SAMD5: variants seen among roughly 807,000 people sequenced by gnomAD.
The protein encoded by SAMD5 is sterile alpha motif domain containing 5.
A neutral mutation model predicts 11.3 loss-of-function variants in SAMD5; 13 were observed. That is an observed-to-expected ratio of 1.15 (90% CI 0.75 to 1.83). The LOEUF (loss-of-function observed/expected upper bound fraction) is 1.83. SAMD5 is among the 40% of genes most tolerant of loss of function. SAMD5 has a pLI of 0.00. For synonymous variants in SAMD5, 129 were observed against 111.3 expected (o/e 1.16, Z -1.00); for missense variants, 255 against 239.1 (o/e 1.07, Z -0.44).
chr6:147,739,828 T>C (rs1230308629), downstream of SAMD5, among the ~76,000 whole-genome samples: 1 of 152,154 alleles, frequency 6.6e-6, no homozygotes, highest in African/African-American at 2.4e-5. Flanking sequence ...TTATTTTATT[T>C]TATTTTTCCT....
chr6:147,522,357 A>G (rs1432867192), intron 1 of SAMD5, among the ~76,000 whole-genome samples: 3 of 152,148 alleles, frequency 2.0e-5, no homozygotes, highest in African/African-American at 7.2e-5. Context: ...AAGGAAAAGC[A>G]TTAAGGAAAA....
intron 1 of SAMD5, among the ~76,000 whole-genome samples, chr6:147,587,752 C>T (rs1270234682): frequency 1.3e-5 from 2 of 152,064 alleles, no homozygotes; most frequent in South Asian, 2.1e-4. Flanking sequence ...TAGGACTTTT[C>T]GTCTTCTGGG....
intron 1 of SAMD5, among the ~76,000 whole-genome samples, chr6:147,583,843 A>G (rs1364859021): frequency 6.6e-6 from 1 of 151,730 alleles, no homozygotes; most frequent in African/African-American, 2.4e-5. Context: ...ACACACACAC[A>G]AAATGGCTAT....
chr6:147,839,789 A>G, the SAMD5 span, among the ~76,000 whole-genome samples: 3 of 152,200 alleles, frequency 2.0e-5, no homozygotes, highest in African/African-American at 7.2e-5. Context: ...TAGTATTCTC[A>G]TGGATTACAA....
chr6:147,867,257 T>C, the SAMD5 span, among the ~76,000 whole-genome samples: 1 of 150,856 alleles, frequency 6.6e-6, no homozygotes, highest in Non-Finnish European at 1.5e-5. Flanking sequence ...TTAACCATAC[T>C]GTAGCATACT....
chr6:147,937,791 T>C, the SAMD5 span, among the ~76,000 whole-genome samples: 1 of 152,218 alleles, frequency 6.6e-6, no homozygotes, highest in Admixed American at 6.5e-5. Context: ...TTAAGAAAAT[T>C]TGATAATGTC....
the SAMD5 span, among the ~76,000 whole-genome samples, chr6:147,816,280 C>CAAA: frequency 2.4e-4 from 3 of 12,730 alleles, 1 homozygote; most frequent in Admixed American, 3.3e-3. Flanking sequence ...AACTCCGTCT[C>CAAA]CAAAAAAAAA....
At chr6:147,765,074 T>C in the SAMD5 span, among the ~76,000 whole-genome samples, 1 of 152,206 alleles carries the variant, frequency 6.6e-6, no homozygotes, top group Admixed American at 6.5e-5. Flanking sequence ...CAACGTATAT[T>C]TTGCCTGCAT....
At chr6:147,806,312 G>A in the SAMD5 span, among the ~76,000 whole-genome samples, 38 of 125,574 alleles carry the variant, frequency 3.0e-4, no homozygotes, top group South Asian at 2.5e-4. Flanking sequence ...ATGCGCGCGC[G>A]CGCGCGCACA....
the SAMD5 span, among the ~76,000 whole-genome samples, chr6:147,784,684 A>G: frequency 6.6e-6 from 1 of 152,252 alleles, no homozygotes; most frequent in Non-Finnish European, 1.5e-5. Context: ...ACTAGCCACA[A>G]GCCAAGTCCT....
chr6:147,757,253 CAATT>C, the SAMD5 span, among the ~76,000 whole-genome samples: 1 of 152,256 alleles, frequency 6.6e-6, no homozygotes, highest in African/African-American at 2.4e-5. Flanking sequence ...TAAATGTAAT[CAATT>C]ATAGTTATAT....
chr6:147,766,029 G>A, the SAMD5 span, among the ~76,000 whole-genome samples: 1 of 150,342 alleles, frequency 6.7e-6, no homozygotes, highest in Non-Finnish European at 1.5e-5. Context: ...ATATGCCCAT[G>A]AAAACAGGAA....
the SAMD5 span, among the ~76,000 whole-genome samples, chr6:147,899,189 A>AAAAAGAAAAG: frequency 4.2e-4 from 52 of 123,454 alleles, 1 homozygote; most frequent in African/African-American, 1.7e-3. Context: ...AAAAAAAAAA[A>AAAAAGAAAAG]AAAAGATAAC....
the SAMD5 span, among the ~76,000 whole-genome samples, chr6:147,950,763 G>A: frequency 7.2e-5 from 11 of 152,078 alleles, no homozygotes; most frequent in South Asian, 1.7e-3. Flanking sequence ...GTCTGTTCCC[G>A]AAAACCCAAA....
the SAMD5 span, among the ~76,000 whole-genome samples, chr6:147,939,022 A>G: frequency 6.6e-6 from 1 of 152,294 alleles, no homozygotes; most frequent in Middle Eastern, 3.4e-3. Context: ...TTATATGCAA[A>G]GTCTGGGGTT....
chr6:147,852,086 G>A, the SAMD5 span, among the ~76,000 whole-genome samples: 172 of 152,048 alleles, frequency 1.1e-3, no homozygotes, highest in African/African-American at 3.9e-3. Context: ...TATACGTACT[G>A]TATTTTTATA....
intron 1 of SAMD5, among the ~76,000 whole-genome samples, chr6:147,633,278 G>A (rs1790178215): frequency 6.6e-6 from 1 of 152,106 alleles, no homozygotes; most frequent in Admixed American, 6.5e-5. Context: ...AGAATTACAA[G>A]CCACGTGCTT....
At chr6:147,560,616 G>A (rs954041512) in intron 1 of SAMD5, among the ~76,000 whole-genome samples, 2 of 152,186 alleles carry the variant, frequency 1.3e-5, no homozygotes, top group African/African-American at 4.8e-5. Flanking sequence ...CACTCTGATT[G>A]CCTTTAATTA....
intron 1 of SAMD5, among the ~76,000 whole-genome samples, chr6:147,514,962 A>G (rs1043126700): frequency 6.6e-6 from 1 of 152,162 alleles, no homozygotes; most frequent in African/African-American, 2.4e-5. Flanking sequence ...TGAAATATTT[A>G]GAAAGGAAAG....
Sources: gnomAD v4.1 joint callset for allele counts (sites outside exome capture counted in the v4.1 genomes callset) on GRCh38, gnomAD v4.1.1 for gene constraint, MANE v1.5 for transcripts, NCBI Gene and HGNC (gene_info 2026-07-23, HGNC 2026-07-21) for gene names.